The following SPMIP11 variants were observed in gnomAD, a reference collection of about 807,000 sequenced individuals.
The protein encoded by SPMIP11 is long intergenic non-protein coding RNA 935.
chr12:48,736,520 G>T, the SPMIP11 span, among the ~76,000 whole-genome samples: 1 of 150,968 alleles, frequency 6.6e-6, no homozygotes, highest in Non-Finnish European at 1.5e-5. Flanking sequence ...TCTGCCAAAA[G>T]CCCAATGATA....
chr12:48,739,273 A>T, the SPMIP11 span, among the ~76,000 whole-genome samples: 1 of 152,198 alleles, frequency 6.6e-6, no homozygotes, highest in Admixed American at 6.5e-5. Context: ...TATGGGCTTC[A>T]TTCCAGAGCT....
At chr12:48,732,208 A>G in the SPMIP11 span, among the ~76,000 whole-genome samples, 162 of 152,220 alleles carry the variant, frequency 1.1e-3, 1 homozygote, top group Non-Finnish European at 1.4e-3. Context: ...TGAAAACTCA[A>G]TATAGGAGTT....
At chr12:48,743,827 G>C in the SPMIP11 span, among the ~76,000 whole-genome samples, 2 of 151,370 alleles carry the variant, frequency 1.3e-5, no homozygotes, top group Non-Finnish European at 1.5e-5. Flanking sequence ...AGCTACTCAG[G>C]AGGCTGAGGC....
At chr12:48,760,668 A>T in the SPMIP11 span, among the ~76,000 whole-genome samples, 1 of 152,170 alleles carries the variant, frequency 6.6e-6, no homozygotes, top group Non-Finnish European at 1.5e-5. Context: ...GTGGGACTAC[A>T]GGAGTGCACC....
At chr12:48,735,025 A>C in the SPMIP11 span, among the ~76,000 whole-genome samples, 1,175 of 139,484 alleles carry the variant, frequency 8.4e-3, 11 homozygotes, top group Non-Finnish European at 0.014. Flanking sequence ...AAAAAAAAAG[A>C]AGAGGAGGAG....
chr12:48,769,902 T>C, the SPMIP11 span, among the ~76,000 whole-genome samples: 3 of 151,384 alleles, frequency 2.0e-5, no homozygotes, highest in African/African-American at 2.4e-5. Context: ...GCTGGGACTA[T>C]AGGCGCCCAC....
the SPMIP11 span, chr12:48,771,274 A>C: frequency 2.0e-6 from 1 of 491,708 alleles, no homozygotes; most frequent in Admixed American, 3.4e-5. The surrounding 1 kb of genome is among the most constrained non-coding windows in gnomAD (Gnocchi z 4.3). Flanking sequence ...TGAGTCCCAG[A>C]GTGAGCAAGT....
At chr12:48,764,853 C>A in the SPMIP11 span, 1 of 702,768 alleles carries the variant, frequency 1.4e-6, no homozygotes, top group Non-Finnish European at 2.6e-6. Flanking sequence ...CCATTCAGTT[C>A]CCAATCAGGT....
At chr12:48,731,423 G>A in the SPMIP11 span, among the ~76,000 whole-genome samples, 2 of 151,908 alleles carry the variant, frequency 1.3e-5, no homozygotes, top group East Asian at 1.9e-4. Flanking sequence ...CCCGGGAGGC[G>A]GAGCTTGCAG....
At chr12:48,734,875 G>T in the SPMIP11 span, among the ~76,000 whole-genome samples, 3 of 151,776 alleles carry the variant, frequency 2.0e-5, no homozygotes. Flanking sequence ...TGCGGTGGCG[G>T]GCGGCTGTAG....
the SPMIP11 span, chr12:48,768,612 G>A: frequency 2.5e-6 from 4 of 1,614,110 alleles, no homozygotes; most frequent in Non-Finnish European, 3.4e-6. Context: ...GGCCCCCATT[G>A]AGGAAGTAGG....
At chr12:48,746,228 T>A in the SPMIP11 span, among the ~76,000 whole-genome samples, 16 of 152,224 alleles carry the variant, frequency 1.1e-4, 1 homozygote, top group Middle Eastern at 3.4e-3. Flanking sequence ...AGTGCTTTTT[T>A]AAAAAAAATT....
chr12:48,764,122 A>G, the SPMIP11 span, among the ~76,000 whole-genome samples: 1 of 151,074 alleles, frequency 6.6e-6, no homozygotes, highest in Non-Finnish European at 1.5e-5. Context: ...AGCTGGGATT[A>G]CAGGCATGCA....
chr12:48,765,227 C>G, the SPMIP11 span, among the ~76,000 whole-genome samples: 1 of 152,120 alleles, frequency 6.6e-6, no homozygotes, highest in African/African-American at 2.4e-5. Context: ...TAGTGCAAAA[C>G]AAGTGTCCAT....
At chr12:48,728,581 G>A in the SPMIP11 span, among the ~76,000 whole-genome samples, 2 of 152,050 alleles carry the variant, frequency 1.3e-5, no homozygotes, top group East Asian at 1.9e-4. Context: ...GATGGCGGGC[G>A]CCTGTAGTCC....
At chr12:48,770,648 G>A in the SPMIP11 span, 1 of 1,004,344 alleles carries the variant, frequency 1.0e-6, no homozygotes, top group South Asian at 1.5e-5. Flanking sequence ...GAGGTCAGAG[G>A]GAAGAAAACC....
chr12:48,762,068 T>G, the SPMIP11 span, among the ~76,000 whole-genome samples: 1 of 137,966 alleles, frequency 7.2e-6, no homozygotes, highest in Non-Finnish European at 1.6e-5. Flanking sequence ...TTTTTTTTTT[T>G]TTTTGAGACG....
At chr12:48,770,667 G>T in the SPMIP11 span, 2 of 1,236,102 alleles carry the variant, frequency 1.6e-6, no homozygotes, top group Non-Finnish European at 2.3e-6. Flanking sequence ...CCCCACAGGA[G>T]CCCTGATGGG....
the SPMIP11 span, among the ~76,000 whole-genome samples, chr12:48,729,360 C>A: frequency 1.3e-5 from 2 of 152,022 alleles, no homozygotes; most frequent in Non-Finnish European, 2.9e-5. Context: ...ATAGTGAAAC[C>A]CCGTCTCTAC....
Sources: allele counts gnomAD v4.1 joint callset (sites outside exome capture counted in the v4.1 genomes callset), GRCh38; gene constraint gnomAD v4.1.1; non-coding constraint Gnocchi (gnomAD v3.1); transcripts MANE v1.5; gene names NCBI Gene and HGNC (gene_info 2026-07-23, HGNC 2026-07-21).